CDCP2: variants seen among roughly 807,000 people sequenced by gnomAD.
The protein encoded by CDCP2 is CUB domain-containing protein 2.
A neutral mutation model predicts 31.0 loss-of-function variants in CDCP2; 31 were observed. The observed-to-expected ratio is 1.00, with a 90% CI of 0.75 to 1.35. CDCP2 has a LOEUF of 1.35. Among genes scored for constraint, CDCP2 ranks in the 40% most tolerant of loss-of-function variants. The pLI is 0.00. For synonymous variants in CDCP2, 206 were observed against 207.9 expected, an observed-to-expected ratio of 0.99 and a Z score of 0.08; for missense variants, 443 against 482.6, an observed-to-expected ratio of 0.92 and a Z score of 0.77.
intron 2 of CDCP2, chr1:54,142,679 T>C (rs1571541): frequency 0.16 from 25,088 of 152,244 alleles, 2,204 homozygotes; most frequent in African/African-American, 0.18. Context: ...CTTTTCCCAG[T>C]GCTGGCCCAG....
chr1:54,149,932 G>T (rs924950171), intron 1 of CDCP2, among the ~76,000 whole-genome samples: 2 of 152,274 alleles, frequency 1.3e-5, no homozygotes, highest in African/African-American at 4.8e-5. Context: ...GGAAAGGGAA[G>T]TCACTTGTTG....
chr1:54,146,471 C>T (rs1019403667), intron 1 of CDCP2, among the ~76,000 whole-genome samples: 6 of 151,874 alleles, frequency 4.0e-5, no homozygotes, highest in Non-Finnish European at 7.4e-5. Context: ...TGAGCCACCG[C>T]GCCCAGCCTG....
At chr1:54,134,537 G>T (rs889812804) in intron 5 of CDCP2, among the ~76,000 whole-genome samples, 2 of 152,170 alleles carry the variant, frequency 1.3e-5, no homozygotes, top group African/African-American at 4.8e-5. Context: ...GCCTTCTTCA[G>T]GGTTTCCTAA....
chr1:54,144,305 C>T (rs1228675552), intron 2 of CDCP2, 161 bp downstream of exon 2: 13 of 637,364 alleles, frequency 2.0e-5, no homozygotes, highest in Non-Finnish European at 1.6e-5. Context: ...CTCACCTGAG[C>T]CCTGCTGCTA....
rs1033351487 is a variant in CDCP2, at chr1:54,137,097, G to C, written c.1118-289C>G. Among the ~76,000 whole-genome samples, 4 of 152,246 alleles carry C rather than the reference G, an allele frequency of 2.6e-5. No homozygotes were observed. In the East Asian group the frequency reaches 7.7e-4, roughly 29 times the overall value. ...CAGGCCCAGTGAATGCTGAGTGAATGAATGAATGTTCTTAATAATTATAAA... is the reference window on the plus strand; with the variant it reads ...CAGGCCCAGTGAATGCTGAGTGAATCAATGAATGTTCTTAATAATTATAAA... On this transcript the variant is annotated intron_variant, in intron 4 of 5. Transcript: ENST00000530059.
At chr1:54,152,349 T>A (rs549230688) in intron 1 of CDCP2, among the ~76,000 whole-genome samples, 32 of 151,808 alleles carry the variant, frequency 2.1e-4, no homozygotes, top group Admixed American at 1.9e-3. Context: ...CTGTAATCCC[T>A]GCTACTCGAG....
At chr1:54,144,133 C>T (rs757251060) in intron 2 of CDCP2, 5 of 232,520 alleles carry the variant, frequency 2.2e-5, no homozygotes, top group Admixed American at 1.0e-4. Flanking sequence ...CTAGGAGAAA[C>T]GGAGGCGGCA....
chr1:54,148,920 AT>A, intron 1 of CDCP2, among the ~76,000 whole-genome samples: 1 of 149,728 alleles, frequency 6.7e-6, no homozygotes, highest in East Asian at 1.9e-4. Context: ...ACCAAATGCA[AT>A]GTATGGACCT....
chr1:54,151,977 A>C (rs1659591410), intron 1 of CDCP2, among the ~76,000 whole-genome samples: 1 of 152,166 alleles, frequency 6.6e-6, no homozygotes, highest in African/African-American at 2.4e-5. Context: ...AAGATCCCTG[A>C]GGGTGAAGCA....
At chr1:54,151,561 T>G (rs1244037545) in intron 1 of CDCP2, among the ~76,000 whole-genome samples, 1 of 152,116 alleles carries the variant, frequency 6.6e-6, no homozygotes, top group Non-Finnish European at 1.5e-5. Context: ...CAAGGCCCCT[T>G]AAGCCCCAGT....
At chr1:54,145,593 A>T (rs1481961462) in intron 1 of CDCP2, among the ~76,000 whole-genome samples, 1 of 152,196 alleles carries the variant, frequency 6.6e-6, no homozygotes, top group Non-Finnish European at 1.5e-5. Context: ...TTATTAAAAC[A>T]TTATTTTGAA....
intron 1 of CDCP2, among the ~76,000 whole-genome samples, chr1:54,150,536 AC>A (rs1659564274): frequency 6.6e-6 from 1 of 152,096 alleles, no homozygotes; most frequent in African/African-American, 2.4e-5. Context: ...CAGAGGCTGC[AC>A]TGAGCCGAGA....
intron 1 of CDCP2, among the ~76,000 whole-genome samples, chr1:54,148,131 G>T (rs971200816): frequency 1.3e-5 from 2 of 151,756 alleles, no homozygotes; most frequent in Non-Finnish European, 2.9e-5. Flanking sequence ...TTGATGAAAG[G>T]TAAAACATGA....
chr1:54,152,461 CAA>C (rs11420931), intron 1 of CDCP2, among the ~76,000 whole-genome samples: 1 of 142,982 alleles, frequency 7.0e-6, no homozygotes. Flanking sequence ...AAGACTGTCT[CAA>C]AAAAAAAAAA....
intron 1 of CDCP2, among the ~76,000 whole-genome samples, chr1:54,148,111 G>T (rs1274090715): frequency 6.6e-6 from 1 of 151,794 alleles, no homozygotes; most frequent in African/African-American, 2.4e-5. Context: ...TCTAATCACT[G>T]AGTAAAAAGT....
At chr1:54,143,491 T>A (rs1418198887) in intron 2 of CDCP2, 2 of 151,716 alleles carry the variant, frequency 1.3e-5, no homozygotes, top group African/African-American at 4.8e-5. Flanking sequence ...TTCCTGTTTT[T>A]AAAAATGTTA....
chr1:54,140,105 T>G, exon 4 of CDCP2: 1 of 1,612,580 alleles, frequency 6.2e-7, no homozygotes, highest in Non-Finnish European at 8.5e-7. Flanking sequence ...CCTGGCATTC[T>G]CCTGGATGGG....
At chr1:54,141,239 C>T (rs768081042) in exon 3 of CDCP2, 1 of 1,614,074 alleles carries the variant, frequency 6.2e-7, no homozygotes, top group East Asian at 2.2e-5. Context: ...GGGCCAGGCC[C>T]CCCAAGCACA....
chr1:54,139,732 CA>C lies in CDCP2; in HGVS notation c.1117+20del. 2 of 1,614,200 alleles carry C rather than the reference CA, an allele frequency of 1.2e-6. No homozygotes were observed. Among genetic ancestry groups the C allele is most frequent in the Non-Finnish European group, 1.7e-6 (2 of 1,180,030 alleles). On this transcript the variant is annotated intron_variant, in intron 4 of 5. Coordinates refer to ENST00000530059, the Ensembl canonical transcript of CDCP2. Reference sequence around the variant, plus strand: ...GCCTCCCCTTCGCCCTCAGTGGACCCACTCCCACAGCCCAGCTGACCTCCGA... The same window carrying C: ...GCCTCCCCTTCGCCCTCAGTGGACCCCTCCCACAGCCCAGCTGACCTCCGA...
Sources: gnomAD v4.1 joint callset for allele counts (sites outside exome capture counted in the v4.1 genomes callset) on GRCh38, gnomAD v4.1.1 for gene constraint, MANE v1.5 for transcripts, NCBI Gene and HGNC (gene_info 2026-07-23, HGNC 2026-07-21) for gene names.